Variants in MUC6 observed in about 807,000 individuals in gnomAD.
The protein encoded by MUC6 is mucin-6.
Under a neutral mutation model 201.5 loss-of-function variants are expected in MUC6, and 188 were observed. The ratio of observed to expected loss-of-function variants is 0.93; its 90% CI spans 0.83 to 1.05. The LOEUF (loss-of-function observed/expected upper bound fraction) is 1.05, where lower values mean the gene tolerates loss of function less well. Among genes scored for constraint, MUC6 ranks in the 50% least tolerant of loss-of-function variants. The pLI is 0.00. For synonymous variants in MUC6, 1,228 were observed against 1,389.4 expected, an observed-to-expected ratio of 0.88 and a Z score of 2.58; for missense variants, 2,706 against 3,256.9, an observed-to-expected ratio of 0.83 and a Z score of 4.12.
intron 28 of MUC6, 41 bp from the exon 29 acceptor site, chr11:1,020,298 C>T (rs1856778198): frequency 6.4e-7 from 1 of 1,567,594 alleles, no homozygotes; most frequent in Non-Finnish European, 8.6e-7. Flanking sequence ...AGGGTACCGG[C>T]ATATCCTTGG....
At position 1,015,799 on chromosome 11, in the gene MUC6, C is replaced by T. The variant is rs763935219; in HGVS notation, c.7002G>A (p.Pro2334=). 33 of 1,553,112 alleles carry T rather than the reference C, an allele frequency of 2.1e-5. No individual in the cohort carries two copies. Among genetic ancestry groups the T allele is most frequent in the East Asian group, 4.5e-5 (2 of 44,304 alleles). Residue 2334 remains proline (P), a synonymous_variant, in exon 31 of 33, where the codon CCG becomes CCA. Coordinates refer to ENST00000421673, the MANE Select transcript of MUC6 (RefSeq NM_005961.3). Reference sequence around the variant, plus strand: ...GCGTAGGTGTCCCGAGAGAAGATACCGGGGCAGAAGCAGGGGTGCTTCCAT... The same window carrying T: ...GCGTAGGTGTCCCGAGAGAAGATACTGGGGCAGAAGCAGGGGTGCTTCCAT... ...TAHGSTPASA[P]VSSLGTPTPT...
intron 4 of MUC6, 31 bp downstream of exon 4, chr11:1,031,576 T>C: frequency 6.5e-7 from 1 of 1,542,080 alleles, no homozygotes; most frequent in Non-Finnish European, 8.7e-7. Flanking sequence ...GCTGCGGGTC[T>C]CCAGGCCCAC....
rs201907295 is a variant in MUC6 at position 1,017,668 on chromosome 11, G to T, written c.5133C>A (p.Thr1711=). The T allele has an allele frequency of 1.3e-6, 2 of 1,512,524 alleles. No individual in the cohort carries two copies. Among genetic ancestry groups the T allele is most frequent in the South Asian group, 2.6e-5 (2 of 76,040 alleles). The allele number at this position is 1,512,524 out of a possible 1,614,324, so 93.7% of individuals were successfully genotyped here. Residue 1711 remains threonine, a synonymous_variant, in exon 31 of 33, where the codon ACC becomes ACA. Transcript: ENST00000421673. The part of the protein sequence containing the change: ...THHAEATSTS[T]TNITPNPTST... ...TGGTGGGGTTGGGGGTGATGTTGGT[G>T]GTAGAAGTTGAGGTGGCTTCAGCAT...
chr11:1,019,286 C>G lies in MUC6; in HGVS notation c.4019G>C (p.Ser1340Thr), dbSNP rs1336644454. The G allele has an allele frequency of 1.2e-6, 2 of 1,614,050 alleles. No individual in the cohort carries two copies. Among genetic ancestry groups the G allele is most frequent in the Non-Finnish European group, 1.7e-6 (2 of 1,179,908 alleles). ...GCGCCATGACTTACGCAGCGTGGGGCTTGTCCCTGATGTGGCTGGGGTTGG... is the reference window on the plus strand; with the variant it reads ...GCGCCATGACTTACGCAGCGTGGGGGTTGTCCCTGATGTGGCTGGGGTTGG... The part of the protein sequence containing the change: ...TLPTPATSGT[S>T]PTLPKSTNQE... The change falls in exon 30 of 33, where the codon AGC (serine) becomes ACC (threonine). Residue 1340 changes from serine (S) to threonine (T), a missense_variant. Coordinates refer to ENST00000421673, the MANE Select transcript of MUC6 (RefSeq NM_005961.3).
At position 1,018,201 on chromosome 11, in the gene MUC6, GGT is replaced by G. The variant is rs1856713225; in HGVS notation, c.4598_4599del (p.His1533ProfsTer3). The G allele has an allele frequency of 6.2e-7, 1 of 1,613,280 alleles. No homozygotes were observed. Among genetic ancestry groups the G allele is most frequent in the Non-Finnish European group, 8.5e-7 (1 of 1,179,296 alleles). ...TSLHSHTSST[H>X]HPEVTPTSTT... ...GTAGAAGTTGGGGTGACTTCAGGAT[GGT>G]GTGTGGAGGAAGTGTGTGAATGTAG... On this transcript the variant is annotated frameshift_variant, in exon 31 of 33. Coordinates refer to ENST00000421673, the MANE Select transcript of MUC6 (RefSeq NM_005961.3). LOFTEE classifies it high-confidence loss of function.
intron 1 of MUC6, 42 bp downstream of exon 1, chr11:1,036,562 C>T (rs1286670423): frequency 5.2e-6 from 8 of 1,547,622 alleles, no homozygotes; most frequent in South Asian, 3.6e-5. Context: ...CAGGGCCCCT[C>T]TGAGGGCACC....
At chr11:1,014,258 A>C (rs980158220) in intron 31 of MUC6, among the ~76,000 whole-genome samples, 4 of 152,252 alleles carry the variant, frequency 2.6e-5, no homozygotes, top group Non-Finnish European at 4.4e-5. Flanking sequence ...CAGCGGACTC[A>C]GCAGATACTG....
chr11:1,016,226 A>G lies in MUC6; in HGVS notation c.6575T>C (p.Val2192Ala). Residue 2192 changes from valine to alanine, a missense_variant, in exon 31 of 33, where the codon GTG becomes GCG. Physicochemically the swap from Val to Ala is moderately conservative, Grantham distance 64. This residue lies in a region of MUC6 where 586 missense variants were observed against 488.0 expected (regional missense o/e 1.20). Coordinates refer to ENST00000421673, the MANE Select transcript of MUC6 (RefSeq NM_005961.3). Reference protein sequence around the residue: ...SLSTHPTTASVSASPLFPSSP... With the variant: ...SLSTHPTTASASASPLFPSSP... ...AGAAGGAAAAAGAGGAGATGCAGAC[A>G]CTGATGCAGTCGTGGGATGAGTGGA... 6.2e-7 allele frequency: 1 copy of G among 1,613,226 alleles called. No homozygotes were observed. The highest frequency in any genetic ancestry group is 2.2e-5 in the East Asian group (1 of 44,864).
intron 2 of MUC6, 89 bp from the exon 3 acceptor site, chr11:1,032,142 C>T: frequency 6.6e-7 from 1 of 1,523,350 alleles, no homozygotes; most frequent in Admixed American, 2.0e-5. Context: ...ACTCGTCTCC[C>T]TGGGCCAGGG....
Position 1,030,431 on chromosome 11 carries a change from C to T in MUC6, c.893-96G>A, listed in dbSNP as rs1590053753. ...TGGAGGACTTAGCCCAGCCCTTCCTCCATCTAGAAGCAGCAGCGAGGATCT... is the reference window on the plus strand; with the variant it reads ...TGGAGGACTTAGCCCAGCCCTTCCTTCATCTAGAAGCAGCAGCGAGGATCT... On this transcript the variant is annotated intron_variant, in intron 7 of 32. Transcript: ENST00000421673. The T allele has an allele frequency of 1.1e-5, 16 of 1,440,648 alleles. No homozygotes were observed. The African/African-American group carries it at 1.4e-4, about 13-fold the overall frequency. 89.2% of individuals were successfully genotyped at this position (1,440,648 alleles called of 1,614,324 possible). A position where few individuals can be genotyped will look rare whatever the true frequency, so the allele number is the denominator to read the frequency against.
At chr11:1,025,128 G>C in intron 23 of MUC6, 45 bp from the exon 24 acceptor site, 1 of 1,611,430 alleles carries the variant, frequency 6.2e-7, no homozygotes, top group Non-Finnish European at 8.5e-7. Flanking sequence ...CGTGCCATCT[G>C]TCTCCACCCC....
At chr11:1,015,626 G>C (rs1436433861) in intron 31 of MUC6, 136 bp downstream of exon 31, 2 of 1,382,472 alleles carry the variant, frequency 1.4e-6, no homozygotes, top group Non-Finnish European at 1.9e-6. Flanking sequence ...CGCCTGGCAG[G>C]TGTGTAGGGA....
rs774844165 is a variant in MUC6 at position 1,019,275 on chromosome 11, G to T, written c.4030C>A (p.Pro1344Thr). 16 of 1,613,784 alleles carry T rather than the reference G, an allele frequency of 9.9e-6. No homozygotes were observed. In the Admixed American group the frequency reaches 1.0e-4, roughly 10 times the overall value. ...GGCATCCCATGGCGCCATGACTTAC[G>T]CAGCGTGGGGCTTGTCCCTGATGTG... is the stretch of plus-strand genomic sequence containing the variant. ...PATSGTSPTLPKSTNQELPGT... is the reference protein window; with the variant it reads ...PATSGTSPTLTKSTNQELPGT... Residue 1344 changes from proline (P) to threonine (T), a missense_variant and splice_region_variant, in exon 30 of 33, where the codon CCA becomes ACA. Around this residue, in one of 10 missense-constraint regions of MUC6, gnomAD observed 1,850 missense variants for 1,958.3 expected, o/e 0.94. Transcript: ENST00000421673.
chr11:1,030,066 G>GTCCCA (rs1590053343), intron 8 of MUC6, 147 bp downstream of exon 8: 1 of 1,106,062 alleles, frequency 9.0e-7, no homozygotes, highest in African/African-American at 1.6e-5. Context: ...GGAAAAGCCT[G>GTCCCA]TCCCAGGGCA....
In MUC6 at chr11:1,028,393, C is replaced by A. The variant is rs1237806449; in HGVS notation, c.1592-6G>T. 1 of 1,611,088 alleles carries A rather than the reference C, an allele frequency of 6.2e-7. No homozygotes were observed. The highest frequency in any genetic ancestry group is 8.5e-7 in the Non-Finnish European group (1 of 1,179,508). ...GTTGAAGTTGCCGCAGAGCCCTGAG[C>A]CGGCGGGGCGTGAGCTCGACTTGAA... On this transcript the variant is annotated splice_region_variant and splice_polypyrimidine_tract_variant and intron_variant, in intron 13 of 32. Coordinates refer to ENST00000421673, the MANE Select transcript of MUC6 (RefSeq NM_005961.3).
intron 1 of MUC6, among the ~76,000 whole-genome samples, chr11:1,035,202 G>T (rs1447308595): frequency 6.6e-6 from 1 of 152,236 alleles, no homozygotes; most frequent in Non-Finnish European, 1.5e-5. Flanking sequence ...GGCGCTCAGA[G>T]ATTATTTGCT....
At position 1,029,085 on chromosome 11, in the gene MUC6, G is replaced by C. The variant is rs755413475; in HGVS notation, c.1341C>G (p.Ser447=). The C allele has an allele frequency of 1.2e-6, 2 of 1,612,774 alleles. No homozygotes were observed. The highest frequency in any genetic ancestry group is 1.3e-5 in the African/African-American group (1 of 75,054). ...AGACCACAGCCACCAGGGAGGTCTC[G>C]GAGTGTGAGACGCCGGACTTGTCGT... ...AVYDKSGVSH[S]ETSLVAVVYL... The change falls in exon 11 of 33, where the codon TCC becomes TCG. Residue 447 remains serine (S), a synonymous_variant. Transcript: ENST00000421673.
chr11:1,014,298 G>T (rs997612246), intron 31 of MUC6, among the ~76,000 whole-genome samples: 1 of 152,230 alleles, frequency 6.6e-6, no homozygotes, highest in South Asian at 2.1e-4. Context: ...CCACCCTTGG[G>T]CCCCAGCTTC....
chr11:1,026,171 C>T, intron 20 of MUC6, 30 bp from the exon 21 acceptor site: 1 of 1,572,870 alleles, frequency 6.4e-7, no homozygotes, highest in Non-Finnish European at 8.6e-7. Flanking sequence ...GGGTGGTGGG[C>T]CTGCGGCCCT....
Sources: gnomAD v4.1 joint callset for allele counts (sites outside exome capture counted in the v4.1 genomes callset) on GRCh38, gnomAD v4.1.1 for gene constraint, gnomAD v4.1.1 regional missense constraint, MANE v1.5 for transcripts, NCBI Gene and HGNC (gene_info 2026-07-23, HGNC 2026-07-21) for gene names.